EPB41: variants seen among roughly 807,000 people sequenced by gnomAD.
EPB41 encodes the protein erythrocyte membrane protein band 4.1.
In EPB41, 65 loss-of-function variants were observed where a neutral mutation model predicts 108.0. The observed-to-expected ratio is 0.60, with a 90% CI of 0.49 to 0.74. EPB41 has a LOEUF of 0.74. Ranked by LOEUF, EPB41 falls within the 30% of genes least tolerant of loss-of-function variation. The pLI is 0.00. For synonymous variants in EPB41, 336 were observed against 358.9 expected, an observed-to-expected ratio of 0.94 and a Z score of 0.72; for missense variants, 875 against 1,037.0, an observed-to-expected ratio of 0.84 and a Z score of 2.15.
At chr1:28,921,946 A>ATATATATATG in intron 1 of EPB41, among the ~76,000 whole-genome samples, 1 of 119,740 alleles carries the variant, frequency 8.4e-6, no homozygotes, top group East Asian at 6.7e-4. Context: ...TTTTATATAT[A>ATATATATATG]TATATATATA....
At chr1:28,948,684 T>C (rs1196185747) in intron 1 of EPB41, among the ~76,000 whole-genome samples, 1 of 151,090 alleles carries the variant, frequency 6.6e-6, no homozygotes, top group Non-Finnish European at 1.5e-5. Context: ...ACGCTGTGAC[T>C]TAACGCCTGT....
intron 11 of EPB41, 52 bp from the exon 12 acceptor site, chr1:29,053,052 A>G (rs1644796491): frequency 6.3e-7 from 1 of 1,593,916 alleles, no homozygotes; most frequent in African/African-American, 1.3e-5. Flanking sequence ...CTTTGAAATA[A>G]TACAGTAGCT....
At chr1:29,002,723 G>C (rs1262926399) in intron 4 of EPB41, among the ~76,000 whole-genome samples, 3 of 152,076 alleles carry the variant, frequency 2.0e-5, no homozygotes, top group Non-Finnish European at 4.4e-5. Context: ...GATCTAATTG[G>C]CTTTTATTTG....
intron 1 of EPB41, among the ~76,000 whole-genome samples, chr1:28,928,699 C>A (rs1029331773): frequency 3.9e-5 from 6 of 152,172 alleles, no homozygotes; most frequent in African/African-American, 1.4e-4. Flanking sequence ...AGTACTTAAT[C>A]AGGTCCAAAG....
chr1:28,979,633 T>C (rs1374020295), intron 1 of EPB41, among the ~76,000 whole-genome samples: 2 of 151,966 alleles, frequency 1.3e-5, no homozygotes, highest in Non-Finnish European at 1.5e-5. Context: ...AGACTTCTTA[T>C]ATTTACCACT....
intron 10 of EPB41, among the ~76,000 whole-genome samples, chr1:29,037,994 G>A (rs186110823): frequency 2.4e-4 from 37 of 151,986 alleles, no homozygotes; most frequent in Admixed American, 1.5e-3. Context: ...CCCTACTTCC[G>A]AGATTATTTT....
intron 7 of EPB41, among the ~76,000 whole-genome samples, chr1:29,028,441 C>T (rs749537028): frequency 1.3e-5 from 2 of 152,146 alleles, no homozygotes; most frequent in African/African-American, 2.4e-5. Flanking sequence ...CATCTCATTT[C>T]GATCCCAATA....
At chr1:28,952,887 G>A (rs181991080) in intron 1 of EPB41, among the ~76,000 whole-genome samples, 6 of 152,134 alleles carry the variant, frequency 3.9e-5, no homozygotes, top group East Asian at 3.9e-4. Flanking sequence ...TCACCACCAC[G>A]CCCAGCTAAT....
chr1:28,918,888 T>C (rs1307232350), intron 1 of EPB41, among the ~76,000 whole-genome samples: 1 of 152,258 alleles, frequency 6.6e-6, no homozygotes, highest in East Asian at 1.9e-4. Context: ...CACTGGTGGC[T>C]TTTACTGTGC....
At chr1:28,912,344 G>A (rs1185626505), upstream of EPB41, among the ~76,000 whole-genome samples, 3 of 152,148 alleles carry the variant, frequency 2.0e-5, no homozygotes, top group African/African-American at 7.2e-5. Flanking sequence ...AGCAGGATAA[G>A]GGTGTTTGAG....
chr1:29,038,217 G>T (rs999739498), intron 10 of EPB41, among the ~76,000 whole-genome samples: 1 of 152,096 alleles, frequency 6.6e-6, no homozygotes, highest in Admixed American at 6.5e-5. Context: ...CCCAATTAAA[G>T]AATCTTAATT....
chr1:28,969,766 C>T (rs1258250139), intron 1 of EPB41, among the ~76,000 whole-genome samples: 3 of 151,938 alleles, frequency 2.0e-5, no homozygotes, highest in South Asian at 4.2e-4. Context: ...CCGGGCGTGG[C>T]GGTGGGCACC....
chr1:29,000,867 G>A (rs1379053433), intron 4 of EPB41, among the ~76,000 whole-genome samples: 3 of 151,696 alleles, frequency 2.0e-5, no homozygotes, highest in African/African-American at 7.3e-5. Context: ...ATTAAAACGA[G>A]AGTCCTTAGC....
intron 4 of EPB41, among the ~76,000 whole-genome samples, chr1:29,006,576 C>G (rs1219232961): frequency 6.6e-6 from 1 of 151,864 alleles, no homozygotes; most frequent in African/African-American, 2.4e-5. Flanking sequence ...TATAAACGCC[C>G]CCAAGATAAG....
intron 1 of EPB41, among the ~76,000 whole-genome samples, chr1:28,954,019 T>C (rs1571304058): frequency 6.6e-6 from 1 of 152,222 alleles, no homozygotes; most frequent in Non-Finnish European, 1.5e-5. Context: ...GAATTACCTT[T>C]GGAGCTTTAA....
chr1:29,084,163 A>T (rs946262066), intron 16 of EPB41, among the ~76,000 whole-genome samples: 5 of 152,218 alleles, frequency 3.3e-5, no homozygotes, highest in African/African-American at 1.2e-4. Flanking sequence ...GTGCACCCTC[A>T]TCCCCTATTC....
intron 15 of EPB41, among the ~76,000 whole-genome samples, chr1:29,063,548 A>G (rs1646882400): frequency 6.6e-6 from 1 of 152,210 alleles, no homozygotes; most frequent in Non-Finnish European, 1.5e-5. Context: ...AGTTTTATTT[A>G]GTTAAAACCT....
rs538352531 is a variant in EPB41 at position 28,999,486 on chromosome 1, G to GA, written c.786+2176dup. Among the ~76,000 whole-genome samples the GA allele has an allele frequency of 1.9e-3, 283 of 151,056 alleles. 5 individuals are homozygous for GA. The highest frequency in any genetic ancestry group is 3.4e-3 in the Middle Eastern group (1 of 290). On this transcript the variant is annotated intron_variant, in intron 4 of 20. Coordinates refer to ENST00000343067, the MANE Select transcript of EPB41 (RefSeq NM_001376013.1). ...AGAAATTGAATAGTTACATTGTGGG[G>GA]AAAAAAAAACCCAGATTGATTTGAG... is the stretch of plus-strand genomic sequence containing the variant.
intron 1 of EPB41, among the ~76,000 whole-genome samples, chr1:28,970,232 T>C (rs1224363414): frequency 2.0e-5 from 3 of 152,210 alleles, no homozygotes; most frequent in Non-Finnish European, 4.4e-5. Context: ...TTCCAGAGTA[T>C]CTGCTAAAAC....
Sources: gnomAD v4.1 joint callset for allele counts (sites outside exome capture counted in the v4.1 genomes callset) on GRCh38, gnomAD v4.1.1 for gene constraint, MANE v1.5 for transcripts, NCBI Gene and HGNC (gene_info 2026-07-23, HGNC 2026-07-21) for gene names.